The following HIVEP3 variants were observed in gnomAD, a reference collection of about 807,000 sequenced individuals.
HIVEP3 encodes the protein HIVEP zinc finger 3.
Under a neutral mutation model 152.8 loss-of-function variants are expected in HIVEP3, and 49 were observed. The ratio of observed to expected loss-of-function variants is 0.32; its 90% CI spans 0.26 to 0.41. The LOEUF (loss-of-function observed/expected upper bound fraction) is 0.41, where lower values mean the gene tolerates loss of function less well. HIVEP3 is among the 10% of genes least tolerant of loss of function. HIVEP3 has a pLI of 1.00. For synonymous variants in HIVEP3, 1,269 were observed against 1,289.0 expected (o/e 0.98, Z 0.33); for missense variants, 2,790 against 3,103.3 (o/e 0.90, Z 2.40).
At chr1:41,675,129 C>T (rs980728506) in intron 2 of HIVEP3, among the ~76,000 whole-genome samples, 1 of 152,192 alleles carries the variant, frequency 6.6e-6, no homozygotes, top group Non-Finnish European at 1.5e-5. Flanking sequence ...CCCCTGTGTG[C>T]CCCATGCCTG....
upstream of HIVEP3, among the ~76,000 whole-genome samples, chr1:41,920,995 T>A (rs1311142587): frequency 6.6e-6 from 1 of 152,198 alleles, no homozygotes; most frequent in Non-Finnish European, 1.5e-5. Flanking sequence ...CCTTTAATTA[T>A]GCTGCTTTAA....
At chr1:41,867,105 T>G (rs183001095) in intron 1 of HIVEP3, among the ~76,000 whole-genome samples, 1 of 152,228 alleles carries the variant, frequency 6.6e-6, no homozygotes, top group African/African-American at 2.4e-5. Flanking sequence ...CAGTGGCTAT[T>G]GGGCACTCTC....
chr1:41,662,855 G>A lies in HIVEP3; in HGVS notation c.-720-33908C>T, dbSNP rs1645739091. On this transcript the variant is annotated intron_variant, in intron 2 of 8. Transcript: ENST00000372583. The surrounding 1 kb of genome is among the most constrained non-coding windows in gnomAD (Gnocchi z 7.2). ...CCGGGCCCAGCGGGAGTCCATCGCCGTCCCCAAAGTGTGCGCTCCCCGCCT... is the reference window on the plus strand; with the variant it reads ...CCGGGCCCAGCGGGAGTCCATCGCCATCCCCAAAGTGTGCGCTCCCCGCCT... 2.6e-5 allele frequency among the ~76,000 whole-genome samples: 4 copies of A among 152,238 alleles called. No homozygotes were observed. The highest frequency in any genetic ancestry group is 3.4e-3 in the Middle Eastern group (1 of 294).
At chr1:41,841,103 A>G (rs1312177284) in intron 1 of HIVEP3, among the ~76,000 whole-genome samples, 1 of 152,188 alleles carries the variant, frequency 6.6e-6, no homozygotes, top group African/African-American at 2.4e-5. Context: ...AGGGCCGTGC[A>G]GACAACAACA....
intron 5 of HIVEP3, among the ~76,000 whole-genome samples, chr1:41,547,575 G>A (rs926463843): frequency 9.9e-5 from 15 of 152,172 alleles, no homozygotes; most frequent in Non-Finnish European, 1.9e-4. Context: ...AGGTGGCCTG[G>A]GGCCAAGGCA....
At chr1:41,596,920 C>T (rs796389208) in intron 3 of HIVEP3, among the ~76,000 whole-genome samples, 8 of 152,316 alleles carry the variant, frequency 5.3e-5, no homozygotes, top group African/African-American at 1.9e-4. Flanking sequence ...GTCCTCCCTG[C>T]ATGCAAGTCA....
chr1:41,888,270 T>C (rs1570743415), intron 1 of HIVEP3, among the ~76,000 whole-genome samples: 1 of 146,988 alleles, frequency 6.8e-6, no homozygotes, highest in Middle Eastern at 3.6e-3. Context: ...GCCAGGATGG[T>C]CTCAATCTCC....
chr1:41,591,290 C>T (rs1411807597), intron 3 of HIVEP3, among the ~76,000 whole-genome samples: 1 of 151,980 alleles, frequency 6.6e-6, no homozygotes. Context: ...AAGCAGGGCC[C>T]CCACAGAAAC....
chr1:41,932,001 G>A (rs1186802826), intron 1 of HIVEP3, among the ~76,000 whole-genome samples: 1 of 151,744 alleles, frequency 6.6e-6, no homozygotes, highest in Admixed American at 6.6e-5. Context: ...AGTCATAAGA[G>A]AGAACATCTT....
intron 1 of HIVEP3, among the ~76,000 whole-genome samples, chr1:41,895,717 G>A (rs191617055): frequency 6.6e-6 from 1 of 152,204 alleles, no homozygotes; most frequent in Admixed American, 6.5e-5. Context: ...AGGGCCTTCT[G>A]AGGCAGGAAG....
At chr1:41,899,031 G>A (rs1160531876) in intron 1 of HIVEP3, among the ~76,000 whole-genome samples, 3 of 152,188 alleles carry the variant, frequency 2.0e-5, no homozygotes, top group Admixed American at 1.3e-4. Context: ...CACATGCTAC[G>A]GCCATTTTGG....
chr1:42,003,339 A>C (rs1242670677), intron 1 of HIVEP3, among the ~76,000 whole-genome samples: 1 of 152,198 alleles, frequency 6.6e-6, no homozygotes, highest in African/African-American at 2.4e-5. Context: ...TGCCTCCCAA[A>C]GTGCTGGGAT....
intron 3 of HIVEP3, among the ~76,000 whole-genome samples, chr1:41,616,592 G>C (rs1298675484): frequency 6.7e-6 from 1 of 149,674 alleles, no homozygotes; most frequent in African/African-American, 2.5e-5. Context: ...TTTCAAACAG[G>C]GTATAGGAAG....
intron 1 of HIVEP3, among the ~76,000 whole-genome samples, chr1:41,956,866 A>G (rs1210998160): frequency 1.3e-5 from 2 of 152,226 alleles, no homozygotes; most frequent in Admixed American, 1.3e-4. Flanking sequence ...GATCTTGCTC[A>G]TTTAAATAAA....
intron 1 of HIVEP3, among the ~76,000 whole-genome samples, chr1:41,909,620 A>C (rs1415126284): frequency 6.6e-6 from 1 of 152,112 alleles, no homozygotes; most frequent in African/African-American, 2.4e-5. Context: ...ACAGTGAAGA[A>C]GCTTGATCTG....
At chr1:41,719,188 G>A (rs182516251) in intron 1 of HIVEP3, among the ~76,000 whole-genome samples, 1 of 152,310 alleles carries the variant, frequency 6.6e-6, no homozygotes, top group East Asian at 1.9e-4. Context: ...TTTGAAGGAT[G>A]GGGAGGATTT....
chr1:41,995,658 G>T (rs1480034440), intron 1 of HIVEP3, among the ~76,000 whole-genome samples: 1 of 152,170 alleles, frequency 6.6e-6, no homozygotes, highest in African/African-American at 2.4e-5. Context: ...AAAATGATAG[G>T]AATAAAATGC....
At chr1:41,915,338 A>C (rs1262061156) in intron 1 of HIVEP3, among the ~76,000 whole-genome samples, 1 of 152,222 alleles carries the variant, frequency 6.6e-6, no homozygotes, top group East Asian at 1.9e-4. Flanking sequence ...CAGCTTTAGA[A>C]TTCCATGCCT....
chr1:41,563,607 G>A lies in HIVEP3; in HGVS notation c.5207+11937C>T, dbSNP rs181337606. Among the ~76,000 whole-genome samples, 86 of 152,184 alleles carry A rather than the reference G, an allele frequency of 5.7e-4. 1 individual carries two copies. The highest frequency in any genetic ancestry group is 2.6e-4 in the Admixed American group (4 of 15,304). On this transcript the variant is annotated intron_variant, in intron 5 of 8. Coordinates refer to ENST00000372583, the MANE Select transcript of HIVEP3 (RefSeq NM_024503.5). ...GGCAGTCAGCTATGGGGAACTCGCC[G>A]TCAAAGAGCCTCACTCATCACTTCC...
Sources: gnomAD v4.1 joint callset for allele counts (sites outside exome capture counted in the v4.1 genomes callset) on GRCh38, gnomAD v4.1.1 for gene constraint, Gnocchi (gnomAD v3.1) non-coding constraint, MANE v1.5 for transcripts, NCBI Gene and HGNC (gene_info 2026-07-23, HGNC 2026-07-21) for gene names.